GPHN: variants seen among roughly 807,000 people sequenced by gnomAD.
GPHN encodes gephyrin.
In GPHN, 17 loss-of-function variants were observed where a neutral mutation model predicts 95.5. The observed-to-expected ratio is 0.18, with a 90% confidence interval of 0.12 to 0.27. The LOEUF (loss-of-function observed/expected upper bound fraction) is 0.27. GPHN is among the 10% of genes least tolerant of loss of function. The pLI, the probability that GPHN is intolerant of heterozygous loss-of-function variation, is 1.00. For missense variants in GPHN, 660 were observed against 978.1 expected (o/e 0.67, Z 4.34); for synonymous variants, 320 against 322.5 (o/e 0.99, Z 0.08).
chr14:67,357,955 G>C, the GPHN span, among the ~76,000 whole-genome samples: 2 of 152,204 alleles, frequency 1.3e-5, no homozygotes, highest in Admixed American at 6.5e-5. Context: ...AGAGTTGGAA[G>C]AGATACATAT....
At chr14:66,895,528 T>A (rs2064794611) in intron 5 of GPHN, among the ~76,000 whole-genome samples, 1 of 152,120 alleles carries the variant, frequency 6.6e-6, no homozygotes, top group Non-Finnish European at 1.5e-5. Context: ...ATGTTTATTT[T>A]AAATAAAAAA....
chr14:67,224,902 G>A, the GPHN span: 1 of 423,634 alleles, frequency 2.4e-6, no homozygotes. Context: ...CTCTAAAAGG[G>A]AACCTGCTTG....
intron 4 of GPHN, among the ~76,000 whole-genome samples, chr14:66,850,708 T>G (rs942725234): frequency 6.6e-6 from 1 of 152,096 alleles, no homozygotes; most frequent in Non-Finnish European, 1.5e-5. Context: ...AAGAATTATC[T>G]GACCCAAAAT....
At chr14:67,380,774 T>A in the GPHN span, 18 of 1,451,586 alleles carry the variant, frequency 1.2e-5, no homozygotes, top group Non-Finnish European at 1.7e-5. Context: ...AGGTAAATGA[T>A]TTTTTAAATG....
At chr14:67,297,655 A>T in the GPHN span, among the ~76,000 whole-genome samples, 1 of 152,214 alleles carries the variant, frequency 6.6e-6, no homozygotes, top group Non-Finnish European at 1.5e-5. Context: ...GATTTTGAAT[A>T]GCAGTTGTAC....
At chr14:67,421,723 C>A in the GPHN span, among the ~76,000 whole-genome samples, 2 of 152,140 alleles carry the variant, frequency 1.3e-5, no homozygotes, top group Admixed American at 1.3e-4. Context: ...CATGGAATTA[C>A]GTGGAAACTG....
At chr14:66,669,224 C>T (rs1054566018) in intron 1 of GPHN, among the ~76,000 whole-genome samples, 6 of 151,716 alleles carry the variant, frequency 4.0e-5, no homozygotes, top group East Asian at 3.9e-4. Context: ...ATTAGCTGGG[C>T]GTGGTGGCGC....
the GPHN span, chr14:67,562,436 T>C: frequency 6.2e-7 from 1 of 1,613,768 alleles, no homozygotes; most frequent in South Asian, 1.1e-5. Context: ...CCACCAGCCA[T>C]GCATGAAGCT....
the GPHN span, among the ~76,000 whole-genome samples, chr14:67,606,813 A>T: frequency 6.6e-6 from 1 of 151,974 alleles, no homozygotes; most frequent in Admixed American, 6.6e-5. Flanking sequence ...TGTCCAGCTA[A>T]TTTTTTGTAT....
At chr14:66,556,014 A>G (rs747676270) in intron 1 of GPHN, among the ~76,000 whole-genome samples, 4 of 152,184 alleles carry the variant, frequency 2.6e-5, no homozygotes, top group Non-Finnish European at 4.4e-5. Context: ...TATATGTTAT[A>G]GCCTATTGCT....
chr14:67,165,040 G>A, intron 19 of GPHN, 122 bp from the exon 20 acceptor site: 2 of 712,430 alleles, frequency 2.8e-6, no homozygotes, highest in Non-Finnish European at 5.1e-6. Flanking sequence ...AGATGTAAAG[G>A]CAAGTCAACA....
At chr14:67,105,043 A>G (rs576619212) in intron 13 of GPHN, among the ~76,000 whole-genome samples, 46 of 151,388 alleles carry the variant, frequency 3.0e-4, no homozygotes, top group Admixed American at 5.3e-4. Flanking sequence ...CTGTGTTTCT[A>G]TTTTCATTTG....
intron 1 of GPHN, among the ~76,000 whole-genome samples, chr14:66,559,670 T>A (rs2060149221): frequency 6.6e-6 from 1 of 151,896 alleles, no homozygotes; most frequent in African/African-American, 2.4e-5. Context: ...TTGTGAAAAT[T>A]TTCTCCCATT....
chr14:67,478,305 C>A, the GPHN span, among the ~76,000 whole-genome samples: 8,250 of 152,286 alleles, frequency 0.054, 415 homozygotes, highest in East Asian at 0.23. Flanking sequence ...ATCCCACTGG[C>A]CAAGGGAAAG....
At chr14:67,646,049 G>A in the GPHN span, among the ~76,000 whole-genome samples, 63 of 152,340 alleles carry the variant, frequency 4.1e-4, no homozygotes, top group African/African-American at 1.5e-3. Flanking sequence ...CCCACAGCCT[G>A]AGGACTTCTT....
the GPHN span, among the ~76,000 whole-genome samples, chr14:67,461,011 T>C: frequency 6.6e-6 from 1 of 152,166 alleles, no homozygotes. Flanking sequence ...GTAGAGAGGT[T>C]AAGTAATTTG....
the GPHN span, among the ~76,000 whole-genome samples, chr14:67,240,321 A>C: frequency 6.6e-6 from 1 of 152,188 alleles, no homozygotes; most frequent in Non-Finnish European, 1.5e-5. Flanking sequence ...GTAATGGGGA[A>C]GAATGTGAAA....
intron 1 of GPHN, among the ~76,000 whole-genome samples, chr14:66,564,924 C>G (rs1163850912): frequency 2.0e-5 from 3 of 152,118 alleles, no homozygotes; most frequent in South Asian, 2.1e-4. Context: ...TACTAGTGTT[C>G]TTGTCCTTCT....
the GPHN span, chr14:67,359,725 C>T: frequency 6.2e-7 from 1 of 1,613,634 alleles, no homozygotes; most frequent in Non-Finnish European, 8.5e-7. Context: ...CGGCTCGGGT[C>T]CCCGGCCGGG....
Sources: gnomAD v4.1 joint callset for allele counts (sites outside exome capture counted in the v4.1 genomes callset) on GRCh38, gnomAD v4.1.1 for gene constraint, MANE v1.5 for transcripts, NCBI Gene and HGNC (gene_info 2026-07-23, HGNC 2026-07-21) for gene names.